The following LRRC7 variants were observed in gnomAD, a reference collection of about 807,000 sequenced individuals.
LRRC7 encodes the protein leucine-rich repeat-containing protein 7.
In LRRC7, 23 loss-of-function variants were observed where a neutral mutation model predicts 175.7. That is an observed-to-expected ratio of 0.13 (90% CI 0.09 to 0.19). The LOEUF is 0.19. Ranked by LOEUF, LRRC7 falls within the 10% of genes least tolerant of loss-of-function variation. LRRC7 has a pLI of 1.00. For synonymous variants in LRRC7, 685 were observed against 680.9 expected (o/e 1.01, Z -0.09); for missense variants, 1,354 against 1,904.7 (o/e 0.71, Z 5.38).
chr1:69,729,240 C>T (rs1380545681), intron 2 of LRRC7, among the ~76,000 whole-genome samples: 1 of 152,072 alleles, frequency 6.6e-6, no homozygotes, highest in African/African-American at 2.4e-5. Context: ...TGGCCTCTTC[C>T]AAATCTCGTG....
chr1:69,832,258 T>C (rs945945982), intron 5 of LRRC7, among the ~76,000 whole-genome samples: 4 of 152,258 alleles, frequency 2.6e-5, no homozygotes, highest in African/African-American at 4.8e-5. Context: ...GAGGTATTTA[T>C]ATTCCTACTT....
intron 11 of LRRC7, among the ~76,000 whole-genome samples, chr1:69,998,556 T>C (rs1421072845): frequency 1.3e-5 from 2 of 152,172 alleles, no homozygotes; most frequent in African/African-American, 2.4e-5. Flanking sequence ...CGATGCTTTT[T>C]AAAAGCAGGC....
In LRRC7 at chr1:69,733,185, G is replaced by A. The variant is rs1667767937; in HGVS notation, c.101-27006G>A. 6.6e-5 allele frequency among the ~76,000 whole-genome samples: 10 copies of A among 152,088 alleles called. No homozygotes were observed. The South Asian group carries it at 2.1e-3, about 32-fold the overall frequency. Reference sequence around the variant, plus strand: ...GACTCAGATGGTGTGGCTACTTAATGGCAGAATTGAGACTAGGATTCACTT... The same window carrying A: ...GACTCAGATGGTGTGGCTACTTAATAGCAGAATTGAGACTAGGATTCACTT... On this transcript the variant is annotated intron_variant, in intron 2 of 26. Coordinates refer to ENST00000651989, the MANE Select transcript of LRRC7 (RefSeq NM_001370785.2).
At chr1:69,848,465 A>G (rs1682613375) in intron 7 of LRRC7, among the ~76,000 whole-genome samples, 1 of 152,106 alleles carries the variant, frequency 6.6e-6, no homozygotes, top group Non-Finnish European at 1.5e-5. Flanking sequence ...GAATTTCATC[A>G]GATATATTTT....
At chr1:69,761,391 T>A (rs1448572676) in intron 3 of LRRC7, among the ~76,000 whole-genome samples, 1 of 152,044 alleles carries the variant, frequency 6.6e-6, no homozygotes, top group Non-Finnish European at 1.5e-5. Context: ...AAATTATGAA[T>A]AATTATTTTT....
At chr1:69,657,611 T>C (rs1656846017) in intron 1 of LRRC7, among the ~76,000 whole-genome samples, 1 of 151,864 alleles carries the variant, frequency 6.6e-6, no homozygotes, top group South Asian at 2.1e-4. Flanking sequence ...TGAATTAATT[T>C]ACCCTATGAT....
intron 1 of LRRC7, among the ~76,000 whole-genome samples, chr1:69,602,671 T>C (rs1647126212): frequency 6.6e-6 from 1 of 152,132 alleles, no homozygotes; most frequent in African/African-American, 2.4e-5. Context: ...ATTATGATGT[T>C]AGCAGGTTGA....
chr1:69,694,504 T>G (rs928048561), intron 2 of LRRC7, among the ~76,000 whole-genome samples: 5 of 152,164 alleles, frequency 3.3e-5, no homozygotes, highest in Admixed American at 6.5e-5. Context: ...CTGTTAGATA[T>G]CTTTAGGCTT....
At chr1:69,669,919 G>T (rs1177486724) in intron 1 of LRRC7, among the ~76,000 whole-genome samples, 3 of 151,990 alleles carry the variant, frequency 2.0e-5, no homozygotes, top group Non-Finnish European at 2.9e-5. Flanking sequence ...ATTTCTGCTT[G>T]ATTCTTTTTA....
chr1:69,885,858 C>T (rs896994708), intron 7 of LRRC7, among the ~76,000 whole-genome samples: 4 of 127,138 alleles, frequency 3.1e-5, no homozygotes, highest in African/African-American at 1.2e-4. Context: ...TTATTTCTGC[C>T]TTCATTTCGT....
chr1:70,129,223 G>A lies in LRRC7; in HGVS notation c.*7336G>A, dbSNP rs1321607409. Among the ~76,000 whole-genome samples the A allele has an allele frequency of 6.6e-6, 1 of 151,332 alleles. No homozygotes were observed. The highest frequency in any genetic ancestry group is 1.5e-5 in the Non-Finnish European group (1 of 67,940). ...GATGGCGCCACAGCTCTCCAGCCTGGGTGACAGAGTGAGACTCCATCTTAA... is the reference window on the plus strand; with the variant it reads ...GATGGCGCCACAGCTCTCCAGCCTGAGTGACAGAGTGAGACTCCATCTTAA... On this transcript the variant is annotated 3_prime_UTR_variant, in exon 27 of 27. Transcript: ENST00000651989.
chr1:69,644,272 T>C (rs750003497), intron 1 of LRRC7, among the ~76,000 whole-genome samples: 19 of 152,074 alleles, frequency 1.2e-4, no homozygotes, highest in African/African-American at 1.9e-4. Context: ...TTAAGTATGG[T>C]GGCATATTTT....
At chr1:70,078,799 C>T (rs896700306) in intron 24 of LRRC7, among the ~76,000 whole-genome samples, 5 of 101,906 alleles carry the variant, frequency 4.9e-5, no homozygotes, top group Admixed American at 2.6e-4. Context: ...TATACGCGCG[C>T]GCGCGCGCGC....
intron 7 of LRRC7, among the ~76,000 whole-genome samples, chr1:69,910,927 G>A (rs1051451522): frequency 7.9e-5 from 12 of 152,188 alleles, no homozygotes; most frequent in African/African-American, 2.9e-4. Flanking sequence ...CAGCCTCGCT[G>A]CCGCCTTGCA....
At chr1:69,839,018 A>C (rs1374191560) in intron 7 of LRRC7, 2 of 263,828 alleles carry the variant, frequency 7.6e-6, no homozygotes, top group East Asian at 1.4e-4. Context: ...GAAAATATTT[A>C]AAGTACTATG....
chr1:69,961,060 C>T (rs1194423891), intron 8 of LRRC7, among the ~76,000 whole-genome samples: 3 of 152,178 alleles, frequency 2.0e-5, no homozygotes, highest in African/African-American at 7.2e-5. Flanking sequence ...TTGCAGATGA[C>T]ATGATCCTAT....
At chr1:69,579,592 G>T (rs1236206188) in intron 1 of LRRC7, among the ~76,000 whole-genome samples, 2 of 152,096 alleles carry the variant, frequency 1.3e-5, no homozygotes, top group East Asian at 1.9e-4. Context: ...TGCAGAAAAA[G>T]ATGCATGTTG....
chr1:69,600,566 T>G (rs1421691210), intron 1 of LRRC7, among the ~76,000 whole-genome samples: 1 of 152,084 alleles, frequency 6.6e-6, no homozygotes, highest in Non-Finnish European at 1.5e-5. Flanking sequence ...GATGTTGACT[T>G]TATATTTTGA....
intron 1 of LRRC7, among the ~76,000 whole-genome samples, chr1:69,570,640 C>G (rs1645703609): frequency 6.6e-6 from 1 of 152,126 alleles, no homozygotes; most frequent in African/African-American, 2.4e-5. Context: ...AGGAAGGACT[C>G]TAAGGGAACT....
Sources: allele counts gnomAD v4.1 joint callset (sites outside exome capture counted in the v4.1 genomes callset), GRCh38; gene constraint gnomAD v4.1.1; transcripts MANE v1.5; gene names NCBI Gene and HGNC (gene_info 2026-07-23, HGNC 2026-07-21).